Variants in ATP9A observed in about 807,000 individuals in gnomAD.
ATP9A encodes probable phospholipid-transporting ATPase IIA.
Under a neutral mutation model 144.1 loss-of-function variants are expected in ATP9A, and 52 were observed. The ratio of observed to expected loss-of-function variants is 0.36; its 90% CI spans 0.29 to 0.45. The LOEUF is 0.45. ATP9A is among the 20% of genes least tolerant of loss of function. The pLI, the probability that ATP9A is intolerant of heterozygous loss-of-function variation, is 1.00. For missense variants in ATP9A, 947 were observed against 1,392.7 expected (o/e 0.68, Z 5.09); for synonymous variants, 582 against 557.4 (o/e 1.04, Z -0.62).
intron 1 of ATP9A, among the ~76,000 whole-genome samples, chr20:51,760,230 G>A (rs1027198719): frequency 1.3e-5 from 2 of 152,134 alleles, no homozygotes; most frequent in Non-Finnish European, 2.9e-5. Context: ...GTTGTTGCCT[G>A]TGAGTTCGAT....
At chr20:51,695,551 G>A (rs986890389) in intron 6 of ATP9A, among the ~76,000 whole-genome samples, 1 of 151,388 alleles carries the variant, frequency 6.6e-6, no homozygotes, top group East Asian at 1.9e-4. Context: ...GGGAACAACT[G>A]CAAGGAGTTA....
Position 51,660,085 on chromosome 20 carries a change from TA to T in ATP9A, c.1294-2936del, listed in dbSNP as rs137984376. On this transcript the variant is annotated intron_variant, in intron 13 of 27. Coordinates refer to ENST00000338821, the MANE Select transcript of ATP9A (RefSeq NM_006045.3). ...GAGACTAAATCGAGAACCCTTTTTT[TA>T]AAAAATTCTATAATTTAGGTTCTAG... Among the ~76,000 whole-genome samples the T allele has an allele frequency of 7.3e-3, 1,108 of 152,316 alleles. 13 individuals carry two copies. Among genetic ancestry groups the T allele is most frequent in the African/African-American group, 0.025 (1,049 of 41,564 alleles).
rs1027112530 is a variant in ATP9A, at chr20:51,611,597, T to C, written c.2572-1432A>G. ...GGACAGGGGTTAAAGGCATTTTCTT[T>C]AGCACAAAGAACAATGCCTCATCCT... On this transcript the variant is annotated intron_variant, in intron 23 of 27. Transcript: ENST00000338821. The surrounding 1 kb of genome is among the most constrained non-coding windows in gnomAD (Gnocchi z 4.2). Among the ~76,000 whole-genome samples the C allele has an allele frequency of 1.3e-5, 2 of 152,240 alleles. No individual in the cohort carries two copies. Among genetic ancestry groups the C allele is most frequent in the Non-Finnish European group, 2.9e-5 (2 of 68,050 alleles).
intron 4 of ATP9A, among the ~76,000 whole-genome samples, chr20:51,706,296 G>C (rs1045263502): frequency 6.6e-6 from 1 of 152,226 alleles, no homozygotes; most frequent in Non-Finnish European, 1.5e-5. Context: ...AACAAGCCTG[G>C]GTTCACATTC....
At chr20:51,631,442 T>C (rs570160555) in intron 15 of ATP9A, among the ~76,000 whole-genome samples, 3 of 152,216 alleles carry the variant, frequency 2.0e-5, no homozygotes, top group Non-Finnish European at 4.4e-5. Flanking sequence ...CAACAACATG[T>C]GGCTGTAGGA....
chr20:51,661,828 C>G (rs1277880675), intron 13 of ATP9A, among the ~76,000 whole-genome samples: 3 of 152,144 alleles, frequency 2.0e-5, no homozygotes, highest in Non-Finnish European at 4.4e-5. Context: ...AGCTGAGCCA[C>G]AGGCTGATTA....
rs779897985 is a variant in ATP9A, at chr20:51,656,972, G to A, written c.1472C>T (p.Ser491Phe). The A allele has an allele frequency of 6.2e-7, 1 of 1,614,148 alleles. No homozygotes were observed. Among genetic ancestry groups the A allele is most frequent in the Non-Finnish European group, 8.5e-7 (1 of 1,180,026 alleles). ...GCTGGATGCCTGGTATACGCGGCAG[G>A]AGTCTTCGTACTGCTTCTCGGCCTC... ...QAEAEKQYED[S>F]CRVYQASSPD... Residue 491 changes from serine (S) to phenylalanine (F), a missense_variant, in exon 14 of 28, where the codon TCC (serine) becomes TTC (phenylalanine). Physicochemically the swap from Ser to Phe is radical, Grantham distance 155. Around this residue, in one of 2 missense-constraint regions of ATP9A, gnomAD observed 770 missense variants for 1,047.9 expected, o/e 0.73. Coordinates refer to ENST00000338821, the MANE Select transcript of ATP9A (RefSeq NM_006045.3).
chr20:51,645,742 CACTA>C (rs2077339726), intron 14 of ATP9A, among the ~76,000 whole-genome samples: 1 of 152,096 alleles, frequency 6.6e-6, no homozygotes, highest in South Asian at 2.1e-4. Flanking sequence ...GTGGGGTACT[CACTA>C]ACACCTCTCG....
chr20:51,711,337 A>G (rs2077637564), intron 4 of ATP9A, among the ~76,000 whole-genome samples: 1 of 152,184 alleles, frequency 6.6e-6, no homozygotes, highest in African/African-American at 2.4e-5. Context: ...TTTAGCCCAA[A>G]ACATACACCT....
Position 51,629,087 on chromosome 20 carries a change from C to A in ATP9A, c.1669-15G>T, listed in dbSNP as rs773227697. The A allele has an allele frequency of 1.9e-6, 3 of 1,601,460 alleles. No individual in the cohort carries two copies. Among genetic ancestry groups the A allele is most frequent in the Non-Finnish European group, 8.6e-7 (1 of 1,168,766 alleles). On this transcript the variant is annotated splice_polypyrimidine_tract_variant and intron_variant, in intron 15 of 27. Coordinates refer to ENST00000338821, the MANE Select transcript of ATP9A (RefSeq NM_006045.3). ...GTTGATTCATCCTAGAGAGGGAGGC[C>A]GGAAGGAATGAGAAACTGAAAGGAA...
intron 7 of ATP9A, 22 bp from the exon 8 acceptor site, chr20:51,690,841 C>T (rs747903338): frequency 1.9e-6 from 3 of 1,608,368 alleles, no homozygotes; most frequent in South Asian, 2.2e-5. Flanking sequence ...AAGGCACATT[C>T]GGGAGTCAAA....
chr20:51,668,618 C>T (rs990621140), intron 13 of ATP9A, among the ~76,000 whole-genome samples: 4 of 152,148 alleles, frequency 2.6e-5, no homozygotes, highest in African/African-American at 9.7e-5. Flanking sequence ...GGCTGTGCGG[C>T]TCATCCTCCC....
intron 1 of ATP9A, among the ~76,000 whole-genome samples, chr20:51,743,395 G>GTTTTTTTT (rs1489280599): frequency 5.1e-4 from 22 of 43,398 alleles, no homozygotes; most frequent in African/African-American, 1.0e-3. Flanking sequence ...GACCGAAACT[G>GTTTTTTTT]ATTTTTTTTT....
At chr20:51,715,708 G>A (rs761684508) in intron 3 of ATP9A, among the ~76,000 whole-genome samples, 10 of 152,170 alleles carry the variant, frequency 6.6e-5, no homozygotes, top group South Asian at 2.1e-4. Flanking sequence ...GGGTTTCACC[G>A]TATTGGCCAG....
chr20:51,618,232 A>AC (rs1173389346), intron 21 of ATP9A, among the ~76,000 whole-genome samples: 1 of 151,884 alleles, frequency 6.6e-6, no homozygotes, highest in Non-Finnish European at 1.5e-5. Flanking sequence ...AAAAAAAAAA[A>AC]AGGTGACCCC....
At chr20:51,667,057 C>T (rs2077436006) in intron 13 of ATP9A, among the ~76,000 whole-genome samples, 1 of 152,126 alleles carries the variant, frequency 6.6e-6, no homozygotes, top group African/African-American at 2.4e-5. Context: ...ACAGCTAACC[C>T]TAACCCCACA....
At chr20:51,664,531 T>C (rs1485984306) in intron 13 of ATP9A, among the ~76,000 whole-genome samples, 1 of 152,016 alleles carries the variant, frequency 6.6e-6, no homozygotes, top group Non-Finnish European at 1.5e-5. Context: ...AAGGCTACAG[T>C]GAGCTGTGAT....
intron 15 of ATP9A, among the ~76,000 whole-genome samples, chr20:51,632,519 A>G (rs934355588): frequency 6.6e-6 from 1 of 152,228 alleles, no homozygotes; most frequent in African/African-American, 2.4e-5. Flanking sequence ...TGTGCATTGC[A>G]GGATGCTGAG....
Position 51,627,267 on chromosome 20 carries a change from C to T in ATP9A, c.1845+333G>A, listed in dbSNP as rs554815982. ...TTTTTTGGCCCCAAATGGTAGCACGCGATGACAGTGACAAATGCAATGAAC... is the reference window on the plus strand; with the variant it reads ...TTTTTTGGCCCCAAATGGTAGCACGTGATGACAGTGACAAATGCAATGAAC... On this transcript the variant is annotated intron_variant, in intron 17 of 27. Transcript: ENST00000338821. Among the ~76,000 whole-genome samples, 8 of 152,184 alleles carry T rather than the reference C, an allele frequency of 5.3e-5. No individual in the cohort carries two copies. The South Asian group carries it at 1.7e-3, about 32-fold the overall frequency.
Sources: allele counts gnomAD v4.1 joint callset (sites outside exome capture counted in the v4.1 genomes callset), GRCh38; gene constraint gnomAD v4.1.1; regional missense constraint gnomAD v4.1.1; non-coding constraint Gnocchi (gnomAD v3.1); transcripts MANE v1.5; gene names NCBI Gene and HGNC (gene_info 2026-07-23, HGNC 2026-07-21).